RASA3: variants seen among roughly 807,000 people sequenced by gnomAD.
RASA3 encodes RAS p21 protein activator 3.
A neutral mutation model predicts 110.0 loss-of-function variants in RASA3; 73 were observed. The observed-to-expected ratio is 0.66, with a 90% confidence interval of 0.55 to 0.81. The LOEUF (loss-of-function observed/expected upper bound fraction) is 0.81, where lower values mean the gene tolerates loss of function less well. Among genes scored for constraint, RASA3 ranks in the 30% least tolerant of loss-of-function variants. RASA3 has a pLI of 0.00. For missense variants in RASA3, 976 were observed against 1,113.2 expected (o/e 0.88, Z 1.75); for synonymous variants, 500 against 451.4 (o/e 1.11, Z -1.37).
intron 9 of RASA3, among the ~76,000 whole-genome samples, chr13:114,019,596 T>C (rs1158111906): frequency 2.2e-5 from 3 of 138,476 alleles, no homozygotes; most frequent in Non-Finnish European, 4.7e-5. Flanking sequence ...CCGGTCAGGT[T>C]GGTGGAGCCC....
chr13:114,005,297 C>T (rs1190354901), intron 18 of RASA3, among the ~76,000 whole-genome samples: 2 of 152,174 alleles, frequency 1.3e-5, no homozygotes, highest in East Asian at 1.9e-4. Flanking sequence ...AGCAAAGCCC[C>T]GAGCGGGAGT....
rs1325533505 is a variant in RASA3 at position 113,978,284 on chromosome 13, A to G, written c.*1063T>C. 6.6e-6 allele frequency: 1 copy of G among 152,208 alleles called. No homozygotes were observed. The highest frequency in any genetic ancestry group is 1.9e-4 in the East Asian group (1 of 5,190). 9.4% of individuals were successfully genotyped at this position (152,208 alleles called of 1,614,324 possible). A position where few individuals can be genotyped will look rare whatever the true frequency, so the allele number is the denominator to read the frequency against. ...CCATGGGCCCTGGAGGGACGTCTGC[A>G]CCCCGAAGCCCCTGTACCTCAAACT... On this transcript the variant is annotated 3_prime_UTR_variant, in exon 24 of 24. Coordinates refer to ENST00000334062, the MANE Select transcript of RASA3 (RefSeq NM_007368.4).
chr13:114,036,247 A>G (rs2054276447), intron 4 of RASA3: 1 of 152,212 alleles, frequency 6.6e-6, no homozygotes, highest in South Asian at 2.1e-4. Context: ...AGAGAGCACA[A>G]CTCTGCATAA....
intron 14 of RASA3, among the ~76,000 whole-genome samples, chr13:114,013,823 TC>T (rs1456882678): frequency 1.2e-4 from 18 of 149,028 alleles, no homozygotes; most frequent in East Asian, 2.0e-4. Context: ...CCCGTCTCTT[TC>T]TCTCCGTCTG....
chr13:113,996,776 G>A (rs2053266875), intron 20 of RASA3, 37 bp from the exon 21 acceptor site: 1 of 1,578,970 alleles, frequency 6.3e-7, no homozygotes, highest in South Asian at 1.1e-5. Context: ...GCGCACATGA[G>A]GTCTCGTGGC....
At position 113,984,569 on chromosome 13, in the gene RASA3, A is replaced by G. The variant is rs1361199955; in HGVS notation, c.2246-2711T>C. Among the ~76,000 whole-genome samples the G allele has an allele frequency of 5.5e-5, 2 of 36,216 alleles. 1 individual carries two copies. The highest frequency in any genetic ancestry group is 5.7e-4 in the Admixed American group (2 of 3,484). The allele number at this position is 36,216 out of a possible 152,430, so 23.8% of individuals were successfully genotyped here. ...CACCCACCCATCCATCCATCCACCC[A>G]TCACTCACCCTTTGGTCCATGAACC... On this transcript the variant is annotated intron_variant, in intron 22 of 23. Coordinates refer to ENST00000334062, the MANE Select transcript of RASA3 (RefSeq NM_007368.4).
Position 114,099,023 on chromosome 13 carries a change from C to T in RASA3, c.56-25186G>A, listed in dbSNP as rs1209543506. On this transcript the variant is annotated intron_variant, in intron 1 of 23. Transcript: ENST00000334062. ...CCCGAGCCCCCCAGACCACAGCAGT[C>T]GGGGCCCGGCCACCCGAGCCCCCCA... Among the ~76,000 whole-genome samples, 120 of 38,974 alleles carry T rather than the reference C, an allele frequency of 3.1e-3. 2 individuals are homozygous for T. The highest frequency in any genetic ancestry group is 8.1e-3 in the African/African-American group (72 of 8,848). The allele number at this position is 38,974 out of a possible 152,430, so 25.6% of individuals were successfully genotyped here.
At chr13:114,021,553 C>T (rs757071943) in intron 8 of RASA3, 45 bp from the exon 9 acceptor site, 16 of 1,544,360 alleles carry the variant, frequency 1.0e-5, no homozygotes, top group Admixed American at 5.0e-5. Flanking sequence ...GCGGGCAGCC[C>T]GTGTGGAGCA....
intron 4 of RASA3, among the ~76,000 whole-genome samples, chr13:114,039,021 G>A (rs1426440619): frequency 1.3e-5 from 2 of 152,336 alleles, no homozygotes; most frequent in South Asian, 2.1e-4. Flanking sequence ...TGGCACACAC[G>A]CCATACCAGC....
At chr13:114,043,811 T>A (rs1021623815) in intron 3 of RASA3, among the ~76,000 whole-genome samples, 2 of 142,448 alleles carry the variant, frequency 1.4e-5, no homozygotes, top group African/African-American at 5.2e-5. Flanking sequence ...CCAGGACACC[T>A]CCGCCTGGCC....
chr13:114,035,828 C>A (rs919606342), intron 4 of RASA3: 3 of 152,244 alleles, frequency 2.0e-5, no homozygotes, highest in African/African-American at 7.2e-5. Flanking sequence ...GAAAGCTTGA[C>A]GACGGACGGT....
At chr13:114,021,533 C>G (rs762221193) in intron 8 of RASA3, 25 bp from the exon 9 acceptor site, 74 of 1,603,544 alleles carry the variant, frequency 4.6e-5, no homozygotes, top group Non-Finnish European at 3.6e-5. Flanking sequence ...CAGGACAGCT[C>G]TAGCTGACGG....
At chr13:113,991,003 T>C (rs1234900063) in intron 22 of RASA3, among the ~76,000 whole-genome samples, 4 of 126,730 alleles carry the variant, frequency 3.2e-5, no homozygotes, top group Non-Finnish European at 3.3e-5. Context: ...CCAGGGCATG[T>C]GGGGCTGGAG....
intron 1 of RASA3, among the ~76,000 whole-genome samples, chr13:114,079,571 C>T (rs894130936): frequency 1.3e-5 from 2 of 152,324 alleles, no homozygotes; most frequent in African/African-American, 2.4e-5. Flanking sequence ...TGAAGAGCCC[C>T]GTCTACTTTG....
intron 2 of RASA3, among the ~76,000 whole-genome samples, chr13:114,055,147 T>C (rs1005316624): frequency 6.6e-6 from 1 of 152,106 alleles, no homozygotes; most frequent in South Asian, 2.1e-4. Context: ...TGTGCATGTG[T>C]GTGCCCACAG....
At position 114,029,857 on chromosome 13, in the gene RASA3, C is replaced by T. The variant is rs200024629; in HGVS notation, c.403G>A (p.Glu135Lys). ...GKVHLELRLS[E>K]VITDTGVVCH... is the part of the protein sequence containing the mutation. ...ACGACCCCAGTGTCTGTGATGACCT[C>T]GCTCAGCCGCAGCTCCAGGTGCACT... Residue 135 changes from glutamate (E) to lysine (K), a missense_variant, in exon 5 of 24, where the codon GAG (glutamate) becomes AAG (lysine). Coordinates refer to ENST00000334062, the MANE Select transcript of RASA3 (RefSeq NM_007368.4). 1.1e-5 allele frequency: 17 copies of T among 1,575,030 alleles called. No homozygotes were observed. The highest frequency in any genetic ancestry group is 9.4e-5 in the East Asian group (4 of 42,452).
At chr13:114,034,150 C>T (rs1013552991) in intron 4 of RASA3, among the ~76,000 whole-genome samples, 1 of 151,128 alleles carries the variant, frequency 6.6e-6, no homozygotes, top group Non-Finnish European at 1.5e-5. Context: ...CAGCCGGGCA[C>T]TGGGCCTGCT....
chr13:114,018,073 C>T lies in RASA3; in HGVS notation c.1091+31G>A, dbSNP rs376737319. 5.3e-5 allele frequency: 79 copies of T among 1,482,994 alleles called. 1 individual carries two copies. Among genetic ancestry groups the T allele is most frequent in the African/African-American group, 5.0e-4 (36 of 71,296 alleles). The allele number at this position is 1,482,994 out of a possible 1,614,324, so 91.9% of individuals were successfully genotyped here. A position where few individuals can be genotyped will look rare whatever the true frequency, so the allele number is the denominator to read the frequency against. On this transcript the variant is annotated intron_variant, in intron 11 of 23. Transcript: ENST00000334062. The stretch of plus-strand genomic sequence containing the variant: ...TGCCATCCCTGTAGCGGGTCCAGGC[C>T]GCTCTCCCCCGGGGCAGGGTGGGCA...
At chr13:114,001,035 G>A (rs2053383329) in intron 18 of RASA3, 103 bp from the exon 19 acceptor site, 2 of 754,310 alleles carry the variant, frequency 2.7e-6, no homozygotes, top group African/African-American at 1.7e-5. Context: ...CCTGAGGCAG[G>A]CAGTGGATTT....
Sources: gnomAD v4.1 joint callset for allele counts (sites outside exome capture counted in the v4.1 genomes callset) on GRCh38, gnomAD v4.1.1 for gene constraint, MANE v1.5 for transcripts, NCBI Gene and HGNC (gene_info 2026-07-23, HGNC 2026-07-21) for gene names.